Variants in CCDC60 observed in about 807,000 individuals in gnomAD.
CCDC60 encodes the protein coiled-coil domain-containing protein 60.
In CCDC60, 54 loss-of-function variants were observed where a neutral mutation model predicts 63.5. The ratio of observed to expected loss-of-function variants is 0.85; its 90% CI spans 0.68 to 1.07. The LOEUF is 1.07. CCDC60 is among the 50% of genes least tolerant of loss of function. The probability of loss-of-function intolerance (pLI) is 0.00; values close to 1 mark genes in which losing one functional copy is unlikely to be tolerated. For missense variants in CCDC60, 651 were observed against 684.3 expected, an observed-to-expected ratio of 0.95 and a Z score of 0.54; for synonymous variants, 206 against 238.8, an observed-to-expected ratio of 0.86 and a Z score of 1.27.
At chr12:119,409,776 C>CTTA (rs1247148645) in intron 1 of CCDC60, among the ~76,000 whole-genome samples, 1 of 152,012 alleles carries the variant, frequency 6.6e-6, no homozygotes, top group Non-Finnish European at 1.5e-5. Flanking sequence ...TCTTCATAAT[C>CTTA]TTAGTATCCT....
intron 1 of CCDC60, among the ~76,000 whole-genome samples, chr12:119,366,292 T>C (rs1955839967): frequency 6.6e-6 from 1 of 152,188 alleles, no homozygotes; most frequent in African/African-American, 2.4e-5. Flanking sequence ...TATACTAAGC[T>C]CCATTTTATG....
Position 119,505,109 on chromosome 12 carries a change from G to A in CCDC60, c.689G>A (p.Arg230His), listed in dbSNP as rs775527936. Residue 230 changes from arginine to histidine, a missense_variant, in exon 7 of 14, where the codon CGC (arginine) becomes CAC (histidine). Coordinates refer to ENST00000327554, the MANE Select transcript of CCDC60 (RefSeq NM_178499.5). The stretch of plus-strand genomic sequence containing the variant: ...ATTCCCACAATGCGAGTCACCAACC[G>A]CAAACCAAGCCGGCGAGGCTCCACA... ...FKIPTMRVTN[R>H]KPSRRGSTLS... is the part of the protein sequence containing the mutation. 18 of 1,609,352 alleles carry A rather than the reference G, an allele frequency of 1.1e-5. No homozygotes were observed. Among genetic ancestry groups the A allele is most frequent in the Middle Eastern group, 1.7e-4 (1 of 6,056 alleles).
At chr12:119,428,269 C>T (rs1327004415) in intron 1 of CCDC60, among the ~76,000 whole-genome samples, 1 of 152,144 alleles carries the variant, frequency 6.6e-6, no homozygotes, top group Non-Finnish European at 1.5e-5. Context: ...TAATTTTTTG[C>T]TCTAAAGTGT....
At chr12:119,460,198 A>C (rs1230207937) in intron 2 of CCDC60, among the ~76,000 whole-genome samples, 1 of 152,250 alleles carries the variant, frequency 6.6e-6, no homozygotes, top group African/African-American at 2.4e-5. Context: ...CTCACAGAGA[A>C]TATCAGAAAA....
intron 11 of CCDC60, among the ~76,000 whole-genome samples, chr12:119,528,192 A>G (rs1322085326): frequency 6.6e-6 from 1 of 152,120 alleles, no homozygotes; most frequent in Non-Finnish European, 1.5e-5. Context: ...CATAGGCACA[A>G]GATGATAAGG....
rs114043519 is a variant in CCDC60, at chr12:119,520,006, T to C, written c.969-115T>C. The C allele has an allele frequency of 5.6e-5, 48 of 856,236 alleles. 1 individual carries two copies. In the Middle Eastern group the frequency reaches 2.0e-3, roughly 36 times the overall value. 53.0% of individuals were successfully genotyped at this position (856,236 alleles called of 1,614,324 possible). A position where few individuals can be genotyped will look rare whatever the true frequency, so the allele number is the denominator to read the frequency against. On this transcript the variant is annotated intron_variant, in intron 8 of 13. Transcript: ENST00000327554. ...CTCTCCAGGTGAGTGCTGTGCTCAG[T>C]AGAGTCTGAAGATTCTTGCTCTAGA...
rs1950912775 is a variant in CCDC60 at position 119,464,310 on chromosome 12, C to CA, written c.171-7683dup. On this transcript the variant is annotated intron_variant, in intron 2 of 13. Transcript: ENST00000327554. ...TGGGTTGCAAGAGCAACCCCCCCCC[C>CA]ACTCTTCCTTACTTCCTCTTTCCTT... 1.6e-5 allele frequency among the ~76,000 whole-genome samples: 2 copies of CA among 124,484 alleles called. 1 individual carries two copies. The highest frequency in any genetic ancestry group is 5.1e-4 in the South Asian group (2 of 3,896). 81.7% of individuals were successfully genotyped at this position (124,484 alleles called of 152,430 possible). A position where few individuals can be genotyped will look rare whatever the true frequency, so the allele number is the denominator to read the frequency against.
At chr12:119,364,216 T>G (rs184165678) in intron 1 of CCDC60, among the ~76,000 whole-genome samples, 4 of 152,270 alleles carry the variant, frequency 2.6e-5, no homozygotes, top group African/African-American at 9.6e-5. Context: ...TTAATCAACT[T>G]TTTGAGGTGT....
intron 8 of CCDC60, among the ~76,000 whole-genome samples, chr12:119,519,437 G>GAA (rs1952447935): frequency 2.1e-5 from 3 of 140,996 alleles, no homozygotes; most frequent in Non-Finnish European, 3.1e-5. Context: ...GTGTGTGTGC[G>GAA]CGTGTGTGTG....
At chr12:119,382,810 A>G (rs1956021732) in intron 1 of CCDC60, among the ~76,000 whole-genome samples, 1 of 152,194 alleles carries the variant, frequency 6.6e-6, no homozygotes, top group Non-Finnish European at 1.5e-5. Flanking sequence ...ATGTTTCCCC[A>G]AACATGCCGG....
intron 5 of CCDC60, among the ~76,000 whole-genome samples, chr12:119,489,792 C>G (rs1347451654): frequency 2.0e-5 from 3 of 152,078 alleles, no homozygotes; most frequent in African/African-American, 7.2e-5. Flanking sequence ...CTTCCTCTTC[C>G]CAAAACCTGA....
chr12:119,413,958 G>A (rs969840986), intron 1 of CCDC60, among the ~76,000 whole-genome samples: 1 of 152,066 alleles, frequency 6.6e-6, no homozygotes, highest in Non-Finnish European at 1.5e-5. Flanking sequence ...TTTTCTGGAT[G>A]TCAGTTCCCC....
At chr12:119,446,484 C>T (rs2136273270) in intron 2 of CCDC60, among the ~76,000 whole-genome samples, 1 of 152,142 alleles carries the variant, frequency 6.6e-6, no homozygotes, top group African/African-American at 2.4e-5. Flanking sequence ...CCCCTGGGGC[C>T]GTACAACTGA....
intron 1 of CCDC60, among the ~76,000 whole-genome samples, chr12:119,390,070 G>T (rs149519326): frequency 3.9e-5 from 6 of 152,250 alleles, no homozygotes; most frequent in Admixed American, 3.9e-4. Context: ...TCTCTCCTAA[G>T]GGAGGAAGGG....
intron 2 of CCDC60, among the ~76,000 whole-genome samples, chr12:119,454,286 T>C (rs984185938): frequency 1.3e-5 from 2 of 152,138 alleles, no homozygotes; most frequent in Non-Finnish European, 2.9e-5. Flanking sequence ...ATCAGCAAAA[T>C]GGGGATAATA....
At chr12:119,378,171 C>T (rs1232096447) in intron 1 of CCDC60, among the ~76,000 whole-genome samples, 1 of 152,188 alleles carries the variant, frequency 6.6e-6, no homozygotes, top group Non-Finnish European at 1.5e-5. Flanking sequence ...ACTAGCAGAT[C>T]GGTTCTCTAC....
chr12:119,377,790 TA>T (rs1955968314), intron 1 of CCDC60, among the ~76,000 whole-genome samples: 1 of 152,202 alleles, frequency 6.6e-6, no homozygotes, highest in Non-Finnish European at 1.5e-5. Context: ...CACAGGCTCT[TA>T]AACCCTTTGC....
intron 1 of CCDC60, among the ~76,000 whole-genome samples, chr12:119,361,721 C>T (rs1474888385): frequency 2.0e-5 from 3 of 152,194 alleles, no homozygotes; most frequent in Non-Finnish European, 2.9e-5. Flanking sequence ...AAGACAAAAA[C>T]AGTTAGTGTC....
chr12:119,491,072 AT>A (rs1320804178), intron 5 of CCDC60, among the ~76,000 whole-genome samples: 1 of 152,164 alleles, frequency 6.6e-6, no homozygotes, highest in East Asian at 1.9e-4. Flanking sequence ...AAACAGTCAC[AT>A]TTTTTAACAG....
Sources: gnomAD v4.1 joint callset for allele counts (sites outside exome capture counted in the v4.1 genomes callset) on GRCh38, gnomAD v4.1.1 for gene constraint, MANE v1.5 for transcripts, NCBI Gene and HGNC (gene_info 2026-07-23, HGNC 2026-07-21) for gene names.